Variants in RAD18 observed in about 807,000 individuals in gnomAD.
The protein encoded by RAD18 is E3 ubiquitin-protein ligase RAD18.
In RAD18, 47 loss-of-function variants were observed where a neutral mutation model predicts 60.4. The observed-to-expected ratio is 0.78, with a 90% CI of 0.62 to 0.99. RAD18 has a LOEUF of 0.99. Among genes scored for constraint, RAD18 ranks in the 50% least tolerant of loss-of-function variants. The pLI is 0.00. For synonymous variants in RAD18, 225 were observed against 195.5 expected (o/e 1.15, Z -1.26); for missense variants, 640 against 593.3 (o/e 1.08, Z -0.82).
intron 9 of RAD18, among the ~76,000 whole-genome samples, chr3:8,907,832 C>A (rs376734776): frequency 6.6e-6 from 1 of 152,198 alleles, no homozygotes; most frequent in Non-Finnish European, 1.5e-5. Context: ...TGGACAAGAA[C>A]CCACATGCTG....
At chr3:8,916,981 A>T (rs1056322469) in intron 7 of RAD18, among the ~76,000 whole-genome samples, 2 of 152,174 alleles carry the variant, frequency 1.3e-5, no homozygotes, top group African/African-American at 4.8e-5. Context: ...CAAATGCAAG[A>T]ATTTCAAAGA....
intron 7 of RAD18, among the ~76,000 whole-genome samples, chr3:8,928,104 G>A (rs1202528359): frequency 6.8e-6 from 1 of 147,996 alleles, no homozygotes; most frequent in Non-Finnish European, 1.5e-5. Flanking sequence ...TATACATGAA[G>A]TAGTGTACTA....
chr3:8,937,383 G>T (rs1940671106), intron 6 of RAD18, among the ~76,000 whole-genome samples: 1 of 152,138 alleles, frequency 6.6e-6, no homozygotes, highest in Admixed American at 6.5e-5. Flanking sequence ...TTTAAAACAT[G>T]AAACCTGATA....
At chr3:8,933,387 G>C (rs541809688) in intron 7 of RAD18, among the ~76,000 whole-genome samples, 4 of 152,156 alleles carry the variant, frequency 2.6e-5, no homozygotes, top group Admixed American at 6.5e-5. Context: ...ATTTCAGTTA[G>C]AGCAATGGCT....
intron 11 of RAD18, among the ~76,000 whole-genome samples, chr3:8,894,112 C>A (rs1190941241): frequency 2.6e-5 from 4 of 152,118 alleles, no homozygotes; most frequent in Non-Finnish European, 1.5e-5. Flanking sequence ...TCTTGTTTTG[C>A]CACATTGTGC....
chr3:8,924,187 C>T (rs573696242), intron 7 of RAD18, among the ~76,000 whole-genome samples: 29 of 151,564 alleles, frequency 1.9e-4, no homozygotes, highest in African/African-American at 6.5e-4. Flanking sequence ...CAGAGACACA[C>T]ATAGGCTCAA....
At chr3:8,900,768 G>C (rs1939895994) in intron 10 of RAD18, among the ~76,000 whole-genome samples, 1 of 152,148 alleles carries the variant, frequency 6.6e-6, no homozygotes, top group African/African-American at 2.4e-5. Flanking sequence ...TTTTCAGTCA[G>C]TCTGTGTCTG....
chr3:8,899,780 C>T (rs902040630), intron 10 of RAD18, among the ~76,000 whole-genome samples: 1 of 152,178 alleles, frequency 6.6e-6, no homozygotes, highest in African/African-American at 2.4e-5. Context: ...TCCCACTCAT[C>T]ATGAACGCTG....
At chr3:8,929,367 C>T (rs910109213) in intron 7 of RAD18, among the ~76,000 whole-genome samples, 3 of 151,922 alleles carry the variant, frequency 2.0e-5, no homozygotes, top group African/African-American at 7.2e-5. Flanking sequence ...AAAAAGAAGA[C>T]ACATTTTCAG....
intron 7 of RAD18, among the ~76,000 whole-genome samples, chr3:8,920,760 T>A (rs1940304086): frequency 6.6e-6 from 1 of 152,212 alleles, no homozygotes; most frequent in South Asian, 2.1e-4. Context: ...AAGACTGTAT[T>A]CTTTTAAAAG....
intron 9 of RAD18, among the ~76,000 whole-genome samples, chr3:8,905,315 G>C (rs958131029): frequency 6.6e-6 from 1 of 152,028 alleles, no homozygotes; most frequent in African/African-American, 2.4e-5. Flanking sequence ...ATCTTTTTTA[G>C]AACGAAATCA....
chr3:8,879,910 T>C lies in RAD18; in HGVS notation c.*1447A>G, dbSNP rs1260718580. The C allele has an allele frequency of 1.3e-5, 2 of 152,252 alleles. No homozygotes were observed. The highest frequency in any genetic ancestry group is 2.9e-5 in the Non-Finnish European group (2 of 68,042). 9.4% of individuals were successfully genotyped at this position (152,252 alleles called of 1,614,324 possible). On this transcript the variant is annotated 3_prime_UTR_variant, in exon 13 of 13. Coordinates refer to ENST00000264926, the MANE Select transcript of RAD18 (RefSeq NM_020165.4). Reference sequence around the variant, plus strand: ...CTTCCAGTTTAATTTATAGACTATATAATTTGTCATGAAACAAACAGTTTT... The same window carrying C: ...CTTCCAGTTTAATTTATAGACTATACAATTTGTCATGAAACAAACAGTTTT...
chr3:8,919,522 G>A (rs1174108229), intron 7 of RAD18, among the ~76,000 whole-genome samples: 2 of 152,192 alleles, frequency 1.3e-5, no homozygotes, highest in African/African-American at 4.8e-5. Context: ...AAATACTTTT[G>A]AGAGCCTTGA....
In RAD18 at chr3:8,941,328, CAAT is replaced by C. The variant is rs1216324454; in HGVS notation, c.604+136_604+138del. 5.1e-5 allele frequency: 39 copies of C among 760,328 alleles called. 1 individual carries two copies. In the East Asian group the frequency reaches 8.6e-4, roughly 17 times the overall value. The allele number at this position is 760,328 out of a possible 1,614,324, so 47.1% of individuals were successfully genotyped here. ...AGAAAGAGAACAAACATATCTACAA[CAAT>C]GTCTGAGGTTTGTGATATGGTAAAA... is the stretch of plus-strand genomic sequence containing the variant. On this transcript the variant is annotated intron_variant, in intron 5 of 12. Coordinates refer to ENST00000264926, the MANE Select transcript of RAD18 (RefSeq NM_020165.4).
At chr3:8,953,341 C>G (rs1308382336) in intron 2 of RAD18, among the ~76,000 whole-genome samples, 1 of 151,832 alleles carries the variant, frequency 6.6e-6, no homozygotes, top group Non-Finnish European at 1.5e-5. Flanking sequence ...AATAAGGCTA[C>G]TGCTTTCTCT....
intron 6 of RAD18, among the ~76,000 whole-genome samples, chr3:8,938,871 A>G (rs1381734824): frequency 1.3e-5 from 2 of 152,196 alleles, no homozygotes; most frequent in African/African-American, 2.4e-5. Flanking sequence ...TTGCAATTTA[A>G]GTTTGACTAG....
intron 2 of RAD18, among the ~76,000 whole-genome samples, chr3:8,958,057 A>G (rs1198313889): frequency 6.6e-6 from 1 of 152,268 alleles, no homozygotes; most frequent in African/African-American, 2.4e-5. Flanking sequence ...TGAGTTCTGC[A>G]CATTTAATTC....
intron 12 of RAD18, among the ~76,000 whole-genome samples, chr3:8,882,329 A>T (rs1387365320): frequency 6.6e-6 from 1 of 152,196 alleles, no homozygotes; most frequent in Admixed American, 6.5e-5. Flanking sequence ...GCAGGCAAAG[A>T]TTCACTGCTG....
intron 7 of RAD18, among the ~76,000 whole-genome samples, chr3:8,919,376 G>A (rs576349861): frequency 6.6e-6 from 1 of 152,020 alleles, no homozygotes; most frequent in South Asian, 2.1e-4. Context: ...CGACTCGAAT[G>A]AAAAAAGACA....
Sources: gnomAD v4.1 joint callset for allele counts (sites outside exome capture counted in the v4.1 genomes callset) on GRCh38, gnomAD v4.1.1 for gene constraint, MANE v1.5 for transcripts, NCBI Gene and HGNC (gene_info 2026-07-23, HGNC 2026-07-21) for gene names.